The following STXBP5 variants were observed in gnomAD, a reference collection of about 807,000 sequenced individuals.
STXBP5 encodes syntaxin binding protein 5, also known as syntaxin-binding protein 5.
Under a neutral mutation model 152.4 loss-of-function variants are expected in STXBP5, and 50 were observed. The ratio of observed to expected loss-of-function variants is 0.33; its 90% confidence interval spans 0.26 to 0.42. The LOEUF (loss-of-function observed/expected upper bound fraction) is 0.42. Ranked by LOEUF, STXBP5 falls within the 10% of genes least tolerant of loss-of-function variation. STXBP5 has a pLI of 1.00. For missense variants in STXBP5, 1,167 were observed against 1,388.6 expected (o/e 0.84, Z 2.54); for synonymous variants, 492 against 494.7 (o/e 0.99, Z 0.07).
chr6:147,351,377 G>T (rs1784582675), intron 21 of STXBP5, among the ~76,000 whole-genome samples: 1 of 152,146 alleles, frequency 6.6e-6, no homozygotes, highest in South Asian at 2.1e-4. Flanking sequence ...GTTACCTTTA[G>T]ACTGTGCCAA....
rs551024360 is a variant in STXBP5, at chr6:147,359,164, G to T, written c.2386G>T (p.Ala796Ser). Reference sequence around the variant, plus strand: ...CAAAGAATCCCGAGAAGCGATCTCCGCTCTTCATTTCTGTGAAACGTTTAC... The same window carrying T: ...CAAAGAATCCCGAGAAGCGATCTCCTCTCTTCATTTCTGTGAAACGTTTAC... ...IDKESREAISALHFCETFTRK... is the reference protein window; with the variant it reads ...IDKESREAISSLHFCETFTRK... Residue 796 changes from alanine to serine, a missense_variant, in exon 23 of 28, where the codon GCT (alanine) becomes TCT (serine). Ala to Ser is a moderately conservative substitution (Grantham distance 99, BLOSUM62 1). Coordinates refer to ENST00000321680, the MANE Select transcript of STXBP5 (RefSeq NM_001127715.4). 1.9e-6 allele frequency: 3 copies of T among 1,614,028 alleles called. No homozygotes were observed. Among genetic ancestry groups the T allele is most frequent in the African/African-American group, 1.3e-5 (1 of 75,022 alleles).
chr6:147,283,854 A>G (rs914889416), intron 8 of STXBP5, among the ~76,000 whole-genome samples: 2 of 152,168 alleles, frequency 1.3e-5, no homozygotes, highest in African/African-American at 4.8e-5. Context: ...TTAGGAGGGA[A>G]CAACCCTCCT....
intron 22 of STXBP5, 116 bp from the exon 23 acceptor site, chr6:147,358,968 T>C (rs576993720): frequency 8.5e-7 from 1 of 1,173,546 alleles, no homozygotes; most frequent in Non-Finnish European, 1.2e-6. Flanking sequence ...ATATTAAATA[T>C]GACGTAGGTT....
chr6:147,385,334 A>T lies in STXBP5; in HGVS notation c.*579A>T, dbSNP rs920533487. On this transcript the variant is annotated 3_prime_UTR_variant, in exon 28 of 28. Transcript: ENST00000321680. ...CTGAATGGTGGGCTTTAAATAATAA[A>T]AACATACACATAGTTGACTTGTGTA... 2.0e-5 allele frequency: 3 copies of T among 152,112 alleles called. No homozygotes were observed. Among genetic ancestry groups the T allele is most frequent in the Admixed American group, 2.0e-4 (3 of 15,246 alleles). 9.4% of individuals were successfully genotyped at this position (152,112 alleles called of 1,614,324 possible). A position where few individuals can be genotyped will look rare whatever the true frequency, so the allele number is the denominator to read the frequency against.
chr6:147,259,015 C>A (rs546580980), intron 4 of STXBP5, among the ~76,000 whole-genome samples: 1 of 152,012 alleles, frequency 6.6e-6, no homozygotes, highest in Non-Finnish European at 1.5e-5. Context: ...AAACTTTTCT[C>A]TCTTCTCAGT....
intron 9 of STXBP5, among the ~76,000 whole-genome samples, chr6:147,298,541 A>C (rs1781646598): frequency 6.6e-6 from 1 of 152,084 alleles, no homozygotes; most frequent in African/African-American, 2.4e-5. Context: ...ATTCTTCTGC[A>C]CTGTGCATGG....
chr6:147,377,489 A>G (rs1785865505), intron 26 of STXBP5, among the ~76,000 whole-genome samples: 1 of 152,208 alleles, frequency 6.6e-6, no homozygotes, highest in Non-Finnish European at 1.5e-5. Flanking sequence ...CTGCTATATC[A>G]AAATACCATA....
chr6:147,229,584 A>T (rs1777892171), intron 2 of STXBP5, among the ~76,000 whole-genome samples: 1 of 151,746 alleles, frequency 6.6e-6, no homozygotes, highest in Admixed American at 6.6e-5. Context: ...CAGGTCTTGC[A>T]TTTCTTCGGA....
chr6:147,213,481 C>CGCGCGCGCGCGCTT (rs1562412491), intron 2 of STXBP5, among the ~76,000 whole-genome samples: 1 of 116,640 alleles, frequency 8.6e-6, no homozygotes, highest in Admixed American at 8.1e-5. Flanking sequence ...TGTGTGTGCG[C>CGCGCGCGCGCGCTT]GCGCATATAT....
intron 23 of STXBP5, among the ~76,000 whole-genome samples, chr6:147,361,830 A>T (rs1266394896): frequency 6.6e-6 from 1 of 152,184 alleles, no homozygotes; most frequent in Non-Finnish European, 1.5e-5. Flanking sequence ...GGACCAGAAT[A>T]AAAAATAAGA....
At chr6:147,214,515 A>G (rs1777060654) in intron 2 of STXBP5, among the ~76,000 whole-genome samples, 1 of 152,170 alleles carries the variant, frequency 6.6e-6, no homozygotes. Flanking sequence ...TTAAGTCTAG[A>G]ATAAACTTTT....
At chr6:147,221,565 A>T (rs914070959) in intron 2 of STXBP5, among the ~76,000 whole-genome samples, 5 of 150,860 alleles carry the variant, frequency 3.3e-5, no homozygotes, top group African/African-American at 1.2e-4. Context: ...AACTTTCTGC[A>T]CTTTAAATGT....
intron 2 of STXBP5, among the ~76,000 whole-genome samples, chr6:147,217,923 T>A (rs951141746): frequency 1.3e-5 from 2 of 152,202 alleles, no homozygotes; most frequent in South Asian, 4.1e-4. Context: ...AATAGTTCAT[T>A]TTGTAGTTTT....
intron 10 of STXBP5, among the ~76,000 whole-genome samples, chr6:147,310,624 G>A (rs1301063999): frequency 6.6e-6 from 1 of 152,116 alleles, no homozygotes; most frequent in Admixed American, 6.6e-5. Context: ...TGTAGAGCAG[G>A]CTAGCAGGCT....
intron 19 of STXBP5, among the ~76,000 whole-genome samples, chr6:147,335,970 ATC>A (rs143208670): frequency 0.015 from 2,349 of 152,354 alleles, 46 homozygotes; most frequent in Middle Eastern, 0.041. Context: ...CATTGTTTCT[ATC>A]TCAGCATGTT....
intron 27 of STXBP5, 126 bp downstream of exon 27, chr6:147,383,124 A>G: frequency 8.5e-7 from 1 of 1,176,222 alleles, no homozygotes; most frequent in Non-Finnish European, 1.2e-6. Flanking sequence ...TACAATTGCA[A>G]GTTCCTGATT....
intron 3 of STXBP5, among the ~76,000 whole-genome samples, chr6:147,236,575 G>A (rs1325404965): frequency 1.5e-5 from 2 of 133,564 alleles, no homozygotes; most frequent in East Asian, 4.7e-4. Flanking sequence ...AGATTCTCTA[G>A]TTCATATATG....
intron 25 of STXBP5, among the ~76,000 whole-genome samples, chr6:147,365,564 AAT>A (rs1385513169): frequency 2.6e-5 from 4 of 152,204 alleles, no homozygotes; most frequent in Non-Finnish European, 5.9e-5. Context: ...GTTTAAATGA[AAT>A]AGTCTTTTAG....
rs561097167 is a variant in STXBP5, at chr6:147,363,928, T to C, written c.2916-73T>C. ...CATAAGATTTATGAGGTCTCTGCCA[T>C]TTTTAACAATGATAGTGTGTTCAAG... On this transcript the variant is annotated intron_variant, in intron 24 of 27. Transcript: ENST00000321680. The C allele has an allele frequency of 1.7e-5, 25 of 1,501,366 alleles. No individual in the cohort carries two copies. In the South Asian group the frequency reaches 3.1e-4, roughly 19 times the overall value. 93.0% of individuals were successfully genotyped at this position (1,501,366 alleles called of 1,614,324 possible). A position where few individuals can be genotyped will look rare whatever the true frequency, so the allele number is the denominator to read the frequency against.
Sources: allele counts gnomAD v4.1 joint callset (sites outside exome capture counted in the v4.1 genomes callset), GRCh38; gene constraint gnomAD v4.1.1; transcripts MANE v1.5; gene names NCBI Gene and HGNC (gene_info 2026-07-23, HGNC 2026-07-21).